The following CLTA variants were observed in gnomAD, a reference collection of about 807,000 sequenced individuals.
CLTA encodes clathrin light chain A, also known as clathrin, light polypeptide (Lca).
CLTA carries 9 observed loss-of-function variants against 26.9 expected under a neutral mutation model. The ratio of observed to expected loss-of-function variants is 0.33; its 90% CI spans 0.20 to 0.58. The LOEUF (loss-of-function observed/expected upper bound fraction) is 0.58, where lower values mean the gene tolerates loss of function less well. Among genes scored for constraint, CLTA ranks in the 20% least tolerant of loss-of-function variants. The pLI is 0.85. For missense variants in CLTA, 278 were observed against 294.2 expected (o/e 0.94, Z 0.40); for synonymous variants, 120 against 115.5 (o/e 1.04, Z -0.25).
At chr9:36,193,333 A>T (rs1416345037) in intron 1 of CLTA, among the ~76,000 whole-genome samples, 3 of 144,802 alleles carry the variant, frequency 2.1e-5, no homozygotes, top group Non-Finnish European at 3.0e-5. Context: ...TTTTTTTTTT[A>T]AAGATATGCT....
chr9:36,211,823 A>G lies in CLTA; in HGVS notation c.*49A>G. The G allele has an allele frequency of 1.4e-6, 2 of 1,446,376 alleles. No homozygotes were observed. The highest frequency in any genetic ancestry group is 2.8e-5 in the African/African-American group (2 of 71,344). 89.6% of individuals were successfully genotyped at this position (1,446,376 alleles called of 1,614,324 possible). On this transcript the variant is annotated 3_prime_UTR_variant, in exon 5 of 5. Transcript: ENST00000345519. ...CATCTGCAATATCTTAATCCTACTC[A>G]GTGAAGCTCTTCACAGTCATTGGAT...
In CLTA at chr9:36,197,653, TTGAC is replaced by T. The variant is rs1216504000; in HGVS notation, c.255+70_255+73del. 1.6e-5 allele frequency: 20 copies of T among 1,280,540 alleles called. No individual in the cohort carries two copies. The Admixed American group carries it at 3.2e-4, about 20-fold the overall frequency. 79.3% of individuals were successfully genotyped at this position (1,280,540 alleles called of 1,614,324 possible). On this transcript the variant is annotated intron_variant, in intron 2 of 4. Transcript: ENST00000345519. ...GAATCTTCCTTTCCTGTGATTTTAA[TTGAC>T]TGACCTAGAAAGAAACCCCAGTCCT...
chr9:36,196,853 G>A (rs1827077527), intron 1 of CLTA, among the ~76,000 whole-genome samples: 1 of 152,132 alleles, frequency 6.6e-6, no homozygotes, highest in South Asian at 2.1e-4. Flanking sequence ...CTGACATATA[G>A]GAGTAAAAGT....
At position 36,191,150 on chromosome 9, in the gene CLTA, G is replaced by T; in HGVS notation, c.94G>T (p.Ala32Ser). ...GVAGAGEEDP[A>S]AAFLAQQESE... ...GGCCGGCGCCGGCGAAGAAGACCCG[G>T]CTGCGGCCTTCTTGGCGCAGCAAGA... Residue 32 changes from alanine (A) to serine (S), a missense_variant, in exon 1 of 5, where the codon GCT (alanine) becomes TCT (serine). Coordinates refer to ENST00000345519, the MANE Select transcript of CLTA (RefSeq NM_001833.4). 6.3e-7 allele frequency: 1 copy of T among 1,599,892 alleles called. No individual in the cohort carries two copies. The highest frequency in any genetic ancestry group is 2.3e-5 in the East Asian group (1 of 44,104).
chr9:36,195,081 T>G (rs1826943137), intron 1 of CLTA, among the ~76,000 whole-genome samples: 1 of 152,238 alleles, frequency 6.6e-6, no homozygotes, highest in Non-Finnish European at 1.5e-5. Flanking sequence ...TTAACCATAA[T>G]GTAGGCCTGG....
chr9:36,197,410 G>A (rs917611638), intron 1 of CLTA, 141 bp from the exon 2 acceptor site: 5 of 532,090 alleles, frequency 9.4e-6, no homozygotes, highest in Non-Finnish European at 1.7e-5. Context: ...GGTTTTATTT[G>A]TTGTATATAG....
intron 3 of CLTA, among the ~76,000 whole-genome samples, chr9:36,200,081 G>C (rs1465625848): frequency 6.6e-6 from 1 of 152,220 alleles, no homozygotes; most frequent in Non-Finnish European, 1.5e-5. Context: ...TGTACGTGGA[G>C]TGTCACCTGT....
rs1826703208 is a variant in CLTA, at chr9:36,191,332, G to A, written c.217+59G>A. ...TTGTCTGGAAACTCGGTCCACAGTG[G>A]GTCCGAGAGCTTCTGTGTGACTCGT... On this transcript the variant is annotated intron_variant, in intron 1 of 4. Transcript: ENST00000345519. The A allele has an allele frequency of 2.1e-6, 3 of 1,444,358 alleles. No individual in the cohort carries two copies. The South Asian group carries it at 4.3e-5, about 21-fold the overall frequency. 89.5% of individuals were successfully genotyped at this position (1,444,358 alleles called of 1,614,324 possible). A position where few individuals can be genotyped will look rare whatever the true frequency, so the allele number is the denominator to read the frequency against.
At chr9:36,192,150 T>C (rs550299710) in intron 1 of CLTA, among the ~76,000 whole-genome samples, 1 of 152,288 alleles carries the variant, frequency 6.6e-6, no homozygotes, top group Admixed American at 6.5e-5. Flanking sequence ...AGAAATGAAA[T>C]ACGGCTTTTC....
chr9:36,192,414 G>C (rs1826789194), intron 1 of CLTA, among the ~76,000 whole-genome samples: 1 of 152,208 alleles, frequency 6.6e-6, no homozygotes, highest in South Asian at 2.1e-4. Context: ...TGGATGGGTT[G>C]GTGGGTGTGC....
At position 36,199,034 on chromosome 9, in the gene CLTA, A is replaced by G; in HGVS notation, c.311A>G (p.Gln104Arg). The G allele has an allele frequency of 6.2e-7, 1 of 1,614,136 alleles. No individual in the cohort carries two copies. Among genetic ancestry groups the G allele is most frequent in the Non-Finnish European group, 8.5e-7 (1 of 1,179,964 alleles). Reference sequence around the variant, plus strand: ...GCTATTTCACAAGTGGATCGATTGCAGTCAGAGCCTGAAAGTATCCGTAAA... The same window carrying G: ...GCTATTTCACAAGTGGATCGATTGCGGTCAGAGCCTGAAAGTATCCGTAAA... ...YAAISQVDRLQSEPESIRKWR... is the reference protein window; with the variant it reads ...YAAISQVDRLRSEPESIRKWR... The change falls in exon 3 of 5, where the codon CAG becomes CGG. Residue 104 changes from glutamine (Q) to arginine (R), a missense_variant. By Grantham distance (43) the Gln-to-Arg change is conservative. Coordinates refer to ENST00000345519, the MANE Select transcript of CLTA (RefSeq NM_001833.4).
Position 36,204,251 on chromosome 9 carries a change from C to T in CLTA, c.485+72C>T, listed in dbSNP as rs1252366691. The T allele has an allele frequency of 9.8e-5, 148 of 1,511,106 alleles. No homozygotes were observed. The South Asian group carries it at 1.5e-3, about 16-fold the overall frequency. 93.6% of individuals were successfully genotyped at this position (1,511,106 alleles called of 1,614,324 possible). ...CAAATCCATTCTCAGCATCCAGTCTCGGTTTTTGGCTTCTGCCTCCTTTAG... is the reference window on the plus strand; with the variant it reads ...CAAATCCATTCTCAGCATCCAGTCTTGGTTTTTGGCTTCTGCCTCCTTTAG... On this transcript the variant is annotated intron_variant, in intron 4 of 4. Coordinates refer to ENST00000345519, the MANE Select transcript of CLTA (RefSeq NM_001833.4).
intron 2 of CLTA, among the ~76,000 whole-genome samples, chr9:36,198,717 AAAAG>A (rs1827206919): frequency 6.6e-6 from 1 of 150,798 alleles, no homozygotes; most frequent in African/African-American, 2.4e-5. Flanking sequence ...AAAAAAAAAA[AAAAG>A]CAACCACATA....
At chr9:36,193,284 G>A (rs1011007822) in intron 1 of CLTA, among the ~76,000 whole-genome samples, 4 of 151,598 alleles carry the variant, frequency 2.6e-5, no homozygotes, top group Admixed American at 6.6e-5. Context: ...GAACTGATTG[G>A]ACACTTTTTC....
chr9:36,200,314 A>G (rs997666171), intron 3 of CLTA, among the ~76,000 whole-genome samples: 1 of 152,224 alleles, frequency 6.6e-6, no homozygotes, highest in Admixed American at 6.5e-5. Flanking sequence ...TTATCTTTAT[A>G]TAAATGATAT....
intron 4 of CLTA, among the ~76,000 whole-genome samples, chr9:36,204,991 T>C (rs1267820559): frequency 6.6e-6 from 1 of 152,174 alleles, no homozygotes; most frequent in African/African-American, 2.4e-5. Flanking sequence ...ATTTTCAGGG[T>C]AGAGCCTTGG....
intron 3 of CLTA, among the ~76,000 whole-genome samples, chr9:36,199,349 CAA>C (rs1420338183): frequency 6.6e-6 from 1 of 152,118 alleles, no homozygotes; most frequent in Non-Finnish European, 1.5e-5. Flanking sequence ...CTCCTGACCT[CAA>C]GAGTAGCCTC....
In CLTA at chr9:36,210,183, CCTT is replaced by C. The variant is rs538553858; in HGVS notation, c.486-1419_486-1417del. 4.8e-3 allele frequency among the ~76,000 whole-genome samples: 721 copies of C among 151,644 alleles called. 6 individuals carry two copies. The highest frequency in any genetic ancestry group is 7.7e-3 in the Non-Finnish European group (520 of 67,964). On this transcript the variant is annotated intron_variant, in intron 4 of 4. Transcript: ENST00000345519. ...TTGGAAACAGTTCTCATTGTCTCCTCCTTAAAAATTAGGGCTGGCTTTACATGA... is the reference window on the plus strand; with the variant it reads ...TTGGAAACAGTTCTCATTGTCTCCTCAAAAATTAGGGCTGGCTTTACATGA...
At chr9:36,208,122 G>C (rs1827826200) in intron 4 of CLTA, among the ~76,000 whole-genome samples, 1 of 152,192 alleles carries the variant, frequency 6.6e-6, no homozygotes, top group Admixed American at 6.5e-5. Context: ...TTAATGACCA[G>C]GCATGATTAT....
Sources: gnomAD v4.1 joint callset for allele counts (sites outside exome capture counted in the v4.1 genomes callset) on GRCh38, gnomAD v4.1.1 for gene constraint, MANE v1.5 for transcripts, NCBI Gene and HGNC (gene_info 2026-07-23, HGNC 2026-07-21) for gene names.